The following SLIT2 variants were observed in gnomAD, a reference collection of about 807,000 sequenced individuals.
The protein encoded by SLIT2 is slit homolog 2 protein.
In SLIT2, 41 loss-of-function variants were observed where a neutral mutation model predicts 185.7. That is an observed-to-expected ratio of 0.22 (90% CI 0.17 to 0.29). SLIT2 has a LOEUF of 0.29. Ranked by LOEUF, SLIT2 falls within the 10% of genes least tolerant of loss-of-function variation. SLIT2 has a pLI of 1.00. For missense variants in SLIT2, 1,571 were observed against 1,909.0 expected, an observed-to-expected ratio of 0.82 and a Z score of 3.30; for synonymous variants, 693 against 680.2, an observed-to-expected ratio of 1.02 and a Z score of -0.29.
At chr4:20,264,605 T>C (rs1392332551) in intron 3 of SLIT2, among the ~76,000 whole-genome samples, 1 of 151,900 alleles carries the variant, frequency 6.6e-6, no homozygotes, top group Non-Finnish European at 1.5e-5. Flanking sequence ...CAGATAATAA[T>C]TCAAAACAAT....
At position 20,325,262 on chromosome 4, in the gene SLIT2, G is replaced by GT. The variant is rs572399349; in HGVS notation, c.395+56382dup. On this transcript the variant is annotated intron_variant, in intron 4 of 36. Coordinates refer to ENST00000504154, the MANE Select transcript of SLIT2 (RefSeq NM_004787.4). ...TGCTCAAGGGAACAGCCTAAACCCA[G>GT]TAAGAATACTCAGAAAAATGTTCTT... 9.2e-4 allele frequency among the ~76,000 whole-genome samples: 139 copies of GT among 151,904 alleles called. 1 individual carries two copies. Among genetic ancestry groups the GT allele is most frequent in the African/African-American group, 3.1e-3 (129 of 41,440 alleles).
intron 4 of SLIT2, among the ~76,000 whole-genome samples, chr4:20,348,801 G>C (rs1041365319): frequency 6.6e-5 from 10 of 152,348 alleles, no homozygotes; most frequent in Admixed American, 1.3e-4. Context: ...GCCTTCTGCA[G>C]CTCTGGGAGT....
At chr4:20,282,394 G>A (rs1714861679) in intron 4 of SLIT2, among the ~76,000 whole-genome samples, 1 of 152,078 alleles carries the variant, frequency 6.6e-6, no homozygotes, top group South Asian at 2.1e-4. Context: ...TCATAAGTGT[G>A]ATATCTATTA....
chr4:20,381,884 T>G (rs1319755987), intron 4 of SLIT2, among the ~76,000 whole-genome samples: 1 of 151,350 alleles, frequency 6.6e-6, no homozygotes, highest in African/African-American at 2.4e-5. Context: ...CAGACCAATA[T>G]CCTTCATAAA....
At chr4:20,614,591 A>G (rs971470740) in intron 34 of SLIT2, among the ~76,000 whole-genome samples, 5 of 151,804 alleles carry the variant, frequency 3.3e-5, no homozygotes, top group African/African-American at 1.2e-4. Context: ...CAGCCTGACC[A>G]ATATGGAGAA....
intron 26 of SLIT2, 79 bp from the exon 27 acceptor site, chr4:20,567,183 C>A: frequency 8.3e-7 from 1 of 1,201,342 alleles, no homozygotes; most frequent in Non-Finnish European, 1.2e-6. Flanking sequence ...ATGAAATTTA[C>A]CATTACATTA....
intron 18 of SLIT2, among the ~76,000 whole-genome samples, chr4:20,534,869 C>T (rs1385659819): frequency 2.6e-5 from 4 of 152,154 alleles, no homozygotes; most frequent in South Asian, 4.1e-4. Flanking sequence ...AGCAGAAGTG[C>T]ATTCCTTGAG....
intron 33 of SLIT2, among the ~76,000 whole-genome samples, chr4:20,607,150 T>A (rs1001403324): frequency 6.6e-6 from 1 of 152,150 alleles, no homozygotes; most frequent in Non-Finnish European, 1.5e-5. Context: ...TCCTTTGCTC[T>A]TCCTATTTGC....
intron 4 of SLIT2, among the ~76,000 whole-genome samples, chr4:20,290,228 T>G (rs545185437): frequency 1.3e-5 from 2 of 152,334 alleles, no homozygotes; most frequent in African/African-American, 4.8e-5. Context: ...ATCAGGATTC[T>G]TTCCTCAACT....
In SLIT2 at chr4:20,597,182, C is replaced by T. The variant is rs546539797; in HGVS notation, c.3561+527C>T. Among the ~76,000 whole-genome samples, 6 of 151,912 alleles carry T rather than the reference C, an allele frequency of 3.9e-5. No homozygotes were observed. The East Asian group carries it at 7.8e-4, about 20-fold the overall frequency. On this transcript the variant is annotated intron_variant, in intron 32 of 36. Transcript: ENST00000504154. The stretch of plus-strand genomic sequence containing the variant: ...CCAGGCTCAAGCGATTCTCCTGCCT[C>T]AGCCTCCCGAGTAGCTGGGACGACA...
At chr4:20,429,994 T>G (rs1453965169) in intron 4 of SLIT2, among the ~76,000 whole-genome samples, 2 of 152,166 alleles carry the variant, frequency 1.3e-5, no homozygotes, top group Admixed American at 1.3e-4. Flanking sequence ...TGCTTTTTAA[T>G]AAAAACTAAA....
At chr4:20,390,276 A>C (rs1449257370) in intron 4 of SLIT2, among the ~76,000 whole-genome samples, 1 of 151,806 alleles carries the variant, frequency 6.6e-6, no homozygotes, top group Non-Finnish European at 1.5e-5. Context: ...AGTAATATAC[A>C]AAAAAAATTG....
chr4:20,495,284 C>CCTGT (rs1172860887), intron 9 of SLIT2, among the ~76,000 whole-genome samples: 4 of 152,046 alleles, frequency 2.6e-5, no homozygotes, highest in Non-Finnish European at 4.4e-5. Flanking sequence ...GATGCAGAAA[C>CCTGT]CTGTCATCAT....
At chr4:20,493,871 G>T (rs1718002470) in intron 9 of SLIT2, among the ~76,000 whole-genome samples, 3 of 152,200 alleles carry the variant, frequency 2.0e-5, no homozygotes, top group Admixed American at 2.0e-4. Context: ...AAACTACAGA[G>T]ATGAGGACAA....
chr4:20,267,355 C>G (rs1045030131), intron 3 of SLIT2, among the ~76,000 whole-genome samples: 3 of 151,822 alleles, frequency 2.0e-5, no homozygotes, highest in Admixed American at 1.3e-4. Context: ...TTTGCCTCTA[C>G]TTGTCTTGGC....
In SLIT2 at chr4:20,391,113, G is replaced by A. The variant is rs79851392; in HGVS notation, c.396-76639G>A. Among the ~76,000 whole-genome samples, 890 of 152,124 alleles carry A rather than the reference G, an allele frequency of 5.9e-3. 11 individuals carry two copies. The highest frequency in any genetic ancestry group is 0.02 in the African/African-American group (833 of 41,542). On this transcript the variant is annotated intron_variant, in intron 4 of 36. Coordinates refer to ENST00000504154, the MANE Select transcript of SLIT2 (RefSeq NM_004787.4). Reference sequence around the variant, plus strand: ...TCTATTTGACTCTAAAGGCCAAAGAGCCTTTTTGTAAAAACGGTTAGAATT... The same window carrying A: ...TCTATTTGACTCTAAAGGCCAAAGAACCTTTTTGTAAAAACGGTTAGAATT...
intron 15 of SLIT2, among the ~76,000 whole-genome samples, chr4:20,526,822 A>C (rs1360452775): frequency 6.6e-6 from 1 of 152,146 alleles, no homozygotes; most frequent in African/African-American, 2.4e-5. Context: ...TTTTCCAAAA[A>C]TTTTAATTAA....
At chr4:20,587,680 C>T (rs1362156210) in intron 29 of SLIT2, among the ~76,000 whole-genome samples, 3 of 152,098 alleles carry the variant, frequency 2.0e-5, no homozygotes, top group African/African-American at 7.2e-5. Flanking sequence ...TTCCCTAGCT[C>T]AAGACTTTCT....
At chr4:20,569,045 C>T in intron 29 of SLIT2, 41 bp downstream of exon 29, 1 of 1,548,404 alleles carries the variant, frequency 6.5e-7, no homozygotes, top group Non-Finnish European at 8.9e-7. Flanking sequence ...ATCAGTATAT[C>T]TGTTTGAAAG....
Sources: allele counts gnomAD v4.1 joint callset (sites outside exome capture counted in the v4.1 genomes callset), GRCh38; gene constraint gnomAD v4.1.1; transcripts MANE v1.5; gene names NCBI Gene and HGNC (gene_info 2026-07-23, HGNC 2026-07-21).